The following ARHGAP5 variants were observed in gnomAD, a reference collection of about 807,000 sequenced individuals.
The protein encoded by ARHGAP5 is rho GTPase-activating protein 5.
A neutral mutation model predicts 116.6 loss-of-function variants in ARHGAP5; 23 were observed. The observed-to-expected ratio is 0.20, with a 90% confidence interval of 0.14 to 0.28. The LOEUF (loss-of-function observed/expected upper bound fraction) is 0.28. ARHGAP5 is among the 10% of genes least tolerant of loss of function. ARHGAP5 has a pLI of 1.00. For missense variants in ARHGAP5, 1,405 were observed against 1,774.8 expected (o/e 0.79, Z 3.74); for synonymous variants, 574 against 602.0 (o/e 0.95, Z 0.68).
chr14:32,106,147 A>T (rs1052734290), intron 2 of ARHGAP5, among the ~76,000 whole-genome samples: 5 of 152,136 alleles, frequency 3.3e-5, no homozygotes, highest in African/African-American at 1.2e-4. Context: ...ATTGAGATGG[A>T]GTCTCACTTT....
Position 32,096,530 on chromosome 14 carries a change from A to G in ARHGAP5, c.3717+2144A>G, listed in dbSNP as rs549379604. On this transcript the variant is annotated intron_variant, in intron 2 of 6. Transcript: ENST00000345122. ...TACAGATAGATCAGATTAAAAGATA[A>G]TAGAGAATACTATCAACAATTCCGT... Among the ~76,000 whole-genome samples, 265 of 152,360 alleles carry G rather than the reference A, an allele frequency of 1.7e-3. 1 individual carries two copies. Among genetic ancestry groups the G allele is most frequent in the Non-Finnish European group, 3.4e-3 (231 of 68,022 alleles).
At chr14:32,133,592 T>G (rs1880622651) in intron 3 of ARHGAP5, among the ~76,000 whole-genome samples, 1 of 152,164 alleles carries the variant, frequency 6.6e-6, no homozygotes, top group Non-Finnish European at 1.5e-5. Context: ...CCTGCCTGAT[T>G]GCCCTGGCCA....
At position 32,150,048 on chromosome 14, in the gene ARHGAP5, C is replaced by T; in HGVS notation, c.4075+15C>T. On this transcript the variant is annotated intron_variant, in intron 5 of 6. Coordinates refer to ENST00000345122, the MANE Select transcript of ARHGAP5 (RefSeq NM_001030055.2). ...GGAAGCAGCAAGTAAGTATAAACCT[C>T]CTTTTTATGAGAGGGATGATAATGG... 6.4e-7 allele frequency: 1 copy of T among 1,554,072 alleles called. No homozygotes were observed. Among genetic ancestry groups the T allele is most frequent in the Non-Finnish European group, 8.7e-7 (1 of 1,154,260 alleles).
intron 1 of ARHGAP5, among the ~76,000 whole-genome samples, chr14:32,084,257 G>A (rs546066859): frequency 2.0e-5 from 3 of 152,240 alleles, no homozygotes; most frequent in Admixed American, 6.5e-5. Context: ...CCTTTGCTGC[G>A]TGGGTTTGCG....
chr14:32,091,373 T>A lies in ARHGAP5; in HGVS notation c.704T>A (p.Ile235Asn). 7.4e-6 allele frequency: 12 copies of A among 1,611,970 alleles called. No homozygotes were observed. The highest frequency in any genetic ancestry group is 1.0e-5 in the Non-Finnish European group (12 of 1,179,208). ...VETSARFNVN[I>N]ETCFTALVQM... ...ACATCAGCACGATTTAATGTCAACATTGAAACATGTTTTACTGCACTGGTA... is the reference window on the plus strand; with the variant it reads ...ACATCAGCACGATTTAATGTCAACAATGAAACATGTTTTACTGCACTGGTA... The change falls in exon 2 of 7, where the codon ATT becomes AAT. Residue 235 changes from isoleucine (I) to asparagine (N), a missense_variant. Physicochemically the swap from Ile to Asn is moderately radical, Grantham distance 149. Around this residue, in one of 6 missense-constraint regions of ARHGAP5, gnomAD observed 190 missense variants for 314.9 expected, o/e 0.60. Coordinates refer to ENST00000345122, the MANE Select transcript of ARHGAP5 (RefSeq NM_001030055.2).
rs11551870 is a variant in ARHGAP5 at position 32,156,646 on chromosome 14, G to C, written c.*1698G>C. The C allele has an allele frequency of 0.074, 11,191 of 152,150 alleles. 564 individuals are homozygous for C. The highest frequency in any genetic ancestry group is 0.12 in the Admixed American group (1,897 of 15,236). 9.4% of individuals were successfully genotyped at this position (152,150 alleles called of 1,614,324 possible). ...ACAGTAATTTTTAAAAAAAAATCCGGTAAATGTAGTATTCTTAACCTGTTC... is the reference window on the plus strand; with the variant it reads ...ACAGTAATTTTTAAAAAAAAATCCGCTAAATGTAGTATTCTTAACCTGTTC... On this transcript the variant is annotated 3_prime_UTR_variant, in exon 7 of 7. Transcript: ENST00000345122.
Position 32,092,536 on chromosome 14 carries a change from T to C in ARHGAP5, c.1867T>C (p.Tyr623His). 1 of 1,613,822 alleles carries C rather than the reference T, an allele frequency of 6.2e-7. No individual in the cohort carries two copies. The highest frequency in any genetic ancestry group is 8.5e-7 in the Non-Finnish European group (1 of 1,179,848). The change falls in exon 2 of 7, where the codon TAT (tyrosine) becomes CAT (histidine). Residue 623 changes from tyrosine to histidine, a missense_variant. By Grantham distance (83) the Tyr-to-His change is moderately conservative. Around this residue, in one of 6 missense-constraint regions of ARHGAP5, gnomAD observed 944 missense variants for 1,095.3 expected, o/e 0.86. Transcript: ENST00000345122. This position sits in a 1 kb window ranked among gnomAD's most constrained non-coding sequence, Gnocchi z 4.1. ...EIRTQSTDDE[Y>H]ALDGKIYELD... is the part of the protein sequence containing the mutation. ...AAGGACACAATCCACTGATGATGAG[T>C]ATGCCTTAGATGGAAAAATTTATGA...
chr14:32,152,752 A>G (rs943434099), intron 6 of ARHGAP5, among the ~76,000 whole-genome samples: 4 of 152,198 alleles, frequency 2.6e-5, no homozygotes, highest in Non-Finnish European at 5.9e-5. Context: ...CCTTTTTACC[A>G]CATTCTCTGT....
intron 2 of ARHGAP5, among the ~76,000 whole-genome samples, chr14:32,108,188 A>T (rs1207060594): frequency 6.6e-6 from 1 of 152,104 alleles, no homozygotes; most frequent in Non-Finnish European, 1.5e-5. Flanking sequence ...TGGAATGGGA[A>T]AAGTAGAGAC....
intron 2 of ARHGAP5, among the ~76,000 whole-genome samples, chr14:32,109,576 C>T (rs1249343503): frequency 6.6e-6 from 1 of 151,970 alleles, no homozygotes; most frequent in African/African-American, 2.4e-5. Context: ...AATAGCCATA[C>T]CACTGTTAAT....
rs1878412506 is a variant in ARHGAP5, at chr14:32,094,242, A to G, written c.3573A>G (p.Arg1191=). Residue 1191 remains arginine, a synonymous_variant, in exon 2 of 7, where the codon AGA becomes AGG. Coordinates refer to ENST00000345122, the MANE Select transcript of ARHGAP5 (RefSeq NM_001030055.2). The part of the protein sequence containing the change: ...FTTSKTKRKG[R]HRGSEEDPLL... ...CTTCTAAAACAAAAAGAAAAGGAAG[A>G]CATCGTGGAAGTGAAGAAGATCCAC... 2.5e-6 allele frequency: 4 copies of G among 1,613,550 alleles called. No individual in the cohort carries two copies. The highest frequency in any genetic ancestry group is 4.5e-5 in the East Asian group (2 of 44,868).
At chr14:32,115,347 T>C (rs539614857) in intron 2 of ARHGAP5, among the ~76,000 whole-genome samples, 2 of 152,198 alleles carry the variant, frequency 1.3e-5, no homozygotes, top group Non-Finnish European at 2.9e-5. Context: ...TGTACATTAC[T>C]TATGAATGTT....
intron 3 of ARHGAP5, among the ~76,000 whole-genome samples, chr14:32,120,750 A>C (rs1382225916): frequency 6.6e-6 from 1 of 151,900 alleles, no homozygotes; most frequent in African/African-American, 2.4e-5. Flanking sequence ...TTTATTGAAG[A>C]GTTTAATGAG....
chr14:32,102,807 A>G (rs935987523), intron 2 of ARHGAP5, among the ~76,000 whole-genome samples: 12 of 152,162 alleles, frequency 7.9e-5, no homozygotes, highest in African/African-American at 2.4e-4. Context: ...ACTACAATTT[A>G]TTTTGACTCA....
At chr14:32,079,925 A>G (rs1198868447) in intron 1 of ARHGAP5, among the ~76,000 whole-genome samples, 1 of 152,138 alleles carries the variant, frequency 6.6e-6, no homozygotes, top group African/African-American at 2.4e-5. Flanking sequence ...GTGTTGTTTT[A>G]GTGATGTCTA....
chr14:32,103,184 T>C (rs1878866240), intron 2 of ARHGAP5, among the ~76,000 whole-genome samples: 1 of 152,228 alleles, frequency 6.6e-6, no homozygotes, highest in Non-Finnish European at 1.5e-5. Context: ...TGGTGCTGGC[T>C]ACACCAATTT....
In ARHGAP5 at chr14:32,091,846, G is replaced by A; in HGVS notation, c.1177G>A (p.Asp393Asn). ...KTPWDETDHI[D>N]KINDRRIPFD... ...TCCTTGGGATGAAACTGACCATATA[G>A]ACAAAATTAATGATAGGCGGATTCC... The change falls in exon 2 of 7, where the codon GAC (aspartate) becomes AAC (asparagine). Residue 393 changes from aspartate to asparagine, a missense_variant. Around this residue, in one of 6 missense-constraint regions of ARHGAP5, gnomAD observed 944 missense variants for 1,095.3 expected, o/e 0.86. Transcript: ENST00000345122. The A allele has an allele frequency of 6.2e-7, 1 of 1,613,372 alleles. No homozygotes were observed. The highest frequency in any genetic ancestry group is 1.1e-5 in the South Asian group (1 of 90,980).
At chr14:32,122,140 C>CA (rs1879919299) in intron 3 of ARHGAP5, among the ~76,000 whole-genome samples, 3 of 152,184 alleles carry the variant, frequency 2.0e-5, no homozygotes, top group African/African-American at 7.2e-5. Flanking sequence ...TTGACATTCC[C>CA]ATCAGCAGTG....
At chr14:32,082,052 A>C (rs12100931) in intron 1 of ARHGAP5, among the ~76,000 whole-genome samples, 10,749 of 152,092 alleles carry the variant, frequency 0.071, 1,220 homozygotes, top group African/African-American at 0.24. Context: ...ACAGTTCTTG[A>C]TCCTCTGAGA....
Sources: allele counts gnomAD v4.1 joint callset (sites outside exome capture counted in the v4.1 genomes callset), GRCh38; gene constraint gnomAD v4.1.1; regional missense constraint gnomAD v4.1.1; non-coding constraint Gnocchi (gnomAD v3.1); transcripts MANE v1.5; gene names NCBI Gene and HGNC (gene_info 2026-07-23, HGNC 2026-07-21).